GALNT17: variants seen among roughly 807,000 people sequenced by gnomAD.
GALNT17 encodes UDP-GalNAc:polypeptide N-acetylgalactosaminyltransferase-like 3.
GALNT17 carries 29 observed loss-of-function variants against 63.7 expected under a neutral mutation model. That is an observed-to-expected ratio of 0.46 (90% CI 0.34 to 0.62). The LOEUF (loss-of-function observed/expected upper bound fraction) is 0.62, where lower values mean the gene tolerates loss of function less well. Ranked by LOEUF, GALNT17 falls within the 20% of genes least tolerant of loss-of-function variation. GALNT17 has a pLI of 0.01. For synonymous variants in GALNT17, 305 were observed against 318.3 expected (o/e 0.96, Z 0.45); for missense variants, 603 against 799.6 (o/e 0.75, Z 2.97).
At chr7:71,542,619 C>T (rs560601345) in intron 5 of GALNT17, among the ~76,000 whole-genome samples, 51 of 145,430 alleles carry the variant, frequency 3.5e-4, no homozygotes, top group African/African-American at 1.2e-3. Context: ...TCGCTTGAAC[C>T]GGGGAGGTGG....
At chr7:71,380,260 G>A (rs560766330) in intron 2 of GALNT17, among the ~76,000 whole-genome samples, 2 of 152,006 alleles carry the variant, frequency 1.3e-5, no homozygotes, top group South Asian at 2.1e-4. Context: ...AGACAGGGAG[G>A]GAAAGGAACA....
chr7:71,684,008 CAAAAA>C (rs5741642), intron 9 of GALNT17, among the ~76,000 whole-genome samples: 36 of 121,426 alleles, frequency 3.0e-4, no homozygotes, highest in African/African-American at 1.1e-3. Context: ...CACTCTGTCT[CAAAAA>C]AAAAAAAAAA....
chr7:71,462,531 G>T (rs1031500004), intron 5 of GALNT17, among the ~76,000 whole-genome samples: 2 of 152,224 alleles, frequency 1.3e-5, no homozygotes, highest in Non-Finnish European at 2.9e-5. Context: ...CTCAGGAAGT[G>T]CTGACGGCAT....
chr7:71,369,452 C>T (rs1006242699), intron 2 of GALNT17, among the ~76,000 whole-genome samples: 3 of 152,092 alleles, frequency 2.0e-5, no homozygotes, highest in Admixed American at 6.5e-5. Context: ...TCTCCAAGTT[C>T]GTAGGAGATC....
At chr7:71,257,257 C>A (rs1790305764) in intron 1 of GALNT17, among the ~76,000 whole-genome samples, 1 of 152,050 alleles carries the variant, frequency 6.6e-6, no homozygotes, top group Non-Finnish European at 1.5e-5. Context: ...TCTTATTATT[C>A]TTAACTATTA....
chr7:71,618,906 A>G (rs11975314), intron 6 of GALNT17, among the ~76,000 whole-genome samples: 29,783 of 151,926 alleles, frequency 0.2, 3,051 homozygotes, highest in Middle Eastern at 0.24. Flanking sequence ...TGAGAAGAGT[A>G]TTTCCTAGGT....
chr7:71,356,338 C>T (rs142880030), intron 2 of GALNT17, among the ~76,000 whole-genome samples: 2 of 152,224 alleles, frequency 1.3e-5, no homozygotes, highest in African/African-American at 2.4e-5. Flanking sequence ...GTCACAAGTA[C>T]GGTGCCTTTG....
intron 5 of GALNT17, among the ~76,000 whole-genome samples, chr7:71,453,378 C>T (rs1423826239): frequency 2.6e-5 from 4 of 152,156 alleles, no homozygotes; most frequent in African/African-American, 4.8e-5. Flanking sequence ...CTCACAGTTG[C>T]ATGTGGCTGG....
chr7:71,704,632 ATAATAATCAAAGCAG>A (rs1196839972), intron 9 of GALNT17, among the ~76,000 whole-genome samples: 2 of 152,192 alleles, frequency 1.3e-5, no homozygotes, highest in African/African-American at 4.8e-5. Flanking sequence ...CTACAAAGCT[ATAATAATCAAAGCAG>A]TATAGTGTGG....
At chr7:71,352,344 T>C (rs1030016918) in intron 2 of GALNT17, among the ~76,000 whole-genome samples, 1 of 152,154 alleles carries the variant, frequency 6.6e-6, no homozygotes. Flanking sequence ...CAGGTATGTC[T>C]TTATCAGCAA....
intron 1 of GALNT17, among the ~76,000 whole-genome samples, chr7:71,222,346 A>G (rs1171212962): frequency 2.0e-5 from 3 of 152,044 alleles, no homozygotes; most frequent in African/African-American, 7.2e-5. Flanking sequence ...AGGCTGGAGT[A>G]CAGTGGCTCG....
At chr7:71,468,899 G>GTT (rs1787581974) in intron 5 of GALNT17, among the ~76,000 whole-genome samples, 1 of 152,112 alleles carries the variant, frequency 6.6e-6, no homozygotes, top group Non-Finnish European at 1.5e-5. Flanking sequence ...TATTTGTTGA[G>GTT]TTCAGGGTCA....
At chr7:71,445,655 T>G (rs934448904) in intron 5 of GALNT17, among the ~76,000 whole-genome samples, 2 of 152,200 alleles carry the variant, frequency 1.3e-5, no homozygotes, top group African/African-American at 4.8e-5. Flanking sequence ...TAAAATAGGC[T>G]GATTGCTGAA....
At chr7:71,581,808 AGTT>A (rs1789639418) in intron 6 of GALNT17, among the ~76,000 whole-genome samples, 1 of 152,146 alleles carries the variant, frequency 6.6e-6, no homozygotes, top group Non-Finnish European at 1.5e-5. Context: ...GAGGAGTAGC[AGTT>A]CTCTCTAACC....
chr7:71,449,190 G>A (rs1327976126), intron 5 of GALNT17, among the ~76,000 whole-genome samples: 1 of 132,494 alleles, frequency 7.5e-6, no homozygotes, highest in African/African-American at 2.8e-5. Context: ...TTGGCTCACT[G>A]CAGCCCCCAC....
chr7:71,211,605 A>T (rs533815538), intron 1 of GALNT17, among the ~76,000 whole-genome samples: 1 of 152,326 alleles, frequency 6.6e-6, no homozygotes, highest in East Asian at 1.9e-4. Flanking sequence ...TCAGAAGAAG[A>T]TAGGAAAATG....
intron 1 of GALNT17, among the ~76,000 whole-genome samples, chr7:71,166,273 A>C (rs760573985): frequency 6.6e-6 from 1 of 152,230 alleles, no homozygotes; most frequent in African/African-American, 2.4e-5. Flanking sequence ...GAAAATGCCT[A>C]TCAGATTTGT....
At chr7:71,207,710 C>T (rs1465703532) in intron 1 of GALNT17, among the ~76,000 whole-genome samples, 6 of 152,134 alleles carry the variant, frequency 3.9e-5, no homozygotes, top group African/African-American at 1.4e-4. Context: ...AATGAGCTGA[C>T]ACCCACTCAC....
intron 5 of GALNT17, among the ~76,000 whole-genome samples, chr7:71,438,547 G>A (rs1286502085): frequency 1.3e-5 from 2 of 152,180 alleles, no homozygotes; most frequent in Non-Finnish European, 2.9e-5. Context: ...TGCATTGGAT[G>A]AGATGTCTTC....
Sources: allele counts gnomAD v4.1 joint callset (sites outside exome capture counted in the v4.1 genomes callset), GRCh38; gene constraint gnomAD v4.1.1; transcripts MANE v1.5; gene names NCBI Gene and HGNC (gene_info 2026-07-23, HGNC 2026-07-21).